The following GK variants were observed in gnomAD, a reference collection of about 807,000 sequenced individuals.
GK encodes the protein glycerol kinase.
A neutral mutation model predicts 56.4 loss-of-function variants in GK; 9 were observed. The ratio of observed to expected loss-of-function variants is 0.16; its 90% CI spans 0.10 to 0.28. The LOEUF is 0.28. GK is among the 10% of genes least tolerant of loss of function. The pLI is 1.00. For synonymous variants in GK, 104 were observed against 144.1 expected (o/e 0.72, Z 1.99); for missense variants, 161 against 431.4 (o/e 0.37, Z 5.55).
intron 11 of GK, among the ~76,000 whole-genome samples, chrX:30,702,231 G>A (rs925632793): frequency 4.5e-5 from 5 of 110,384 alleles, no homozygotes; most frequent in Non-Finnish European, 9.5e-5. Context: ...TAGTAGAGAC[G>A]GAGTTTCTCC....
intron 3 of GK, among the ~76,000 whole-genome samples, chrX:30,670,807 AC>A (rs1317114667): frequency 9.2e-6 from 1 of 109,141 alleles, no homozygotes; most frequent in Non-Finnish European, 1.9e-5. Flanking sequence ...ACATGGTGAA[AC>A]CCTGTTTCTA....
chrX:30,727,699 A>C (rs1937198582), intron 20 of GK, 147 bp downstream of exon 20: 1 of 449,956 alleles, frequency 2.2e-6, no homozygotes, highest in Admixed American at 3.4e-5. Flanking sequence ...TAGACCAATT[A>C]ATCTTTGGGG....
At chrX:30,719,325 CT>C (rs948572363) in intron 14 of GK, 93 bp from the exon 15 acceptor site, 13 of 569,453 alleles carry the variant, frequency 2.3e-5, no homozygotes, top group East Asian at 3.7e-5. Context: ...ACCAAAACCC[CT>C]GTCCTAATTT....
At chrX:30,716,531 ACCTT>A (rs1314319573) in intron 13 of GK, among the ~76,000 whole-genome samples, 3 of 112,079 alleles carry the variant, frequency 2.7e-5, no homozygotes, top group African/African-American at 9.7e-5. Flanking sequence ...TATTAATTTT[ACCTT>A]CCTTTTACCT....
chrX:30,728,601 A>G, intron 20 of GK, 131 bp from the exon 21 acceptor site: 1 of 554,098 alleles, frequency 1.8e-6, no homozygotes, highest in Non-Finnish European at 3.3e-6. Context: ...GTTGCATTTT[A>G]ATTGTGAGGC....
At chrX:30,683,128 C>T (rs776686611) in intron 4 of GK, among the ~76,000 whole-genome samples, 17 of 111,651 alleles carry the variant, frequency 1.5e-4, no homozygotes, top group Non-Finnish European at 2.6e-4. Context: ...TTGTAAATCT[C>T]TGTAACTCTA....
In GK at chrX:30,724,070, G is replaced by A. The variant is rs777872955; in HGVS notation, c.1502-31G>A. 29 of 891,073 alleles carry A rather than the reference G, an allele frequency of 3.3e-5. No homozygotes were observed. The South Asian group carries it at 5.3e-4, about 16-fold the overall frequency. The allele number at this position is 891,073 out of a possible 1,213,427, so 73.4% of individuals were successfully genotyped here. On this transcript the variant is annotated intron_variant, in intron 18 of 20. Coordinates refer to ENST00000427190, the MANE Select transcript of GK (RefSeq NM_001205019.2). ...AGAACATCTCAGCAAACTACCTTTC[G>A]TTATGTGTTTTTTCTACCTTCTAAT...
chrX:30,706,985 C>T (rs142097558), intron 11 of GK, among the ~76,000 whole-genome samples: 482 of 111,884 alleles, frequency 4.3e-3, no homozygotes, highest in African/African-American at 0.015. Context: ...TAAACACAGC[C>T]CTGGCCTAGG....
chrX:30,699,320 A>G (rs72625562), intron 9 of GK, among the ~76,000 whole-genome samples: 4 of 72,168 alleles, frequency 5.5e-5, no homozygotes, highest in African/African-American at 2.3e-4. Context: ...ATAACATGTT[A>G]TATATATATA....
At chrX:30,692,935 G>A (rs968053867) in intron 5 of GK, among the ~76,000 whole-genome samples, 1 of 108,020 alleles carries the variant, frequency 9.3e-6, no homozygotes, top group African/African-American at 3.3e-5. Flanking sequence ...TCTGTAGTTA[G>A]GTGATAAATA....
chrX:30,708,661 A>G (rs1274194506), intron 13 of GK, among the ~76,000 whole-genome samples: 1 of 111,981 alleles, frequency 8.9e-6, no homozygotes, highest in Non-Finnish European at 1.9e-5. Flanking sequence ...TTTGTATGTT[A>G]TAGTAGGAAT....
chrX:30,696,716 C>CA (rs1569160297), intron 8 of GK, 33 bp downstream of exon 8: 1 of 990,081 alleles, frequency 1.0e-6, no homozygotes, highest in Admixed American at 2.3e-5. Flanking sequence ...AAAAACACAC[C>CA]AAAAAACCAA....
At chrX:30,702,939 A>G (rs1569164555) in intron 11 of GK, among the ~76,000 whole-genome samples, 1 of 111,802 alleles carries the variant, frequency 8.9e-6, no homozygotes, top group East Asian at 2.8e-4. Context: ...GGTCATGGTA[A>G]TCTGAGGTTA....
intron 13 of GK, among the ~76,000 whole-genome samples, chrX:30,718,130 C>T (rs770452403): frequency 8.9e-6 from 1 of 111,999 alleles, no homozygotes; most frequent in African/African-American, 3.2e-5. Context: ...ATTTACTATA[C>T]TGTTAGATAT....
Position 30,683,367 on chromosome X carries a change from A to G in GK, c.337+5915A>G, listed in dbSNP as rs893700034. On this transcript the variant is annotated intron_variant, in intron 4 of 20. Transcript: ENST00000427190. ...CACCATACCCGGCCAGATGAGCAATATTTATTACAAACAAGCATATGAGAG... is the reference window on the plus strand; with the variant it reads ...CACCATACCCGGCCAGATGAGCAATGTTTATTACAAACAAGCATATGAGAG... Among the ~76,000 whole-genome samples, 19 of 111,088 alleles carry G rather than the reference A, an allele frequency of 1.7e-4. 1 individual carries two copies. Among genetic ancestry groups the G allele is most frequent in the South Asian group, 3.7e-4 (1 of 2,674 alleles).
At chrX:30,714,115 C>A (rs2147250613) in intron 13 of GK, among the ~76,000 whole-genome samples, 1 of 111,884 alleles carries the variant, frequency 8.9e-6, no homozygotes, top group East Asian at 2.8e-4. Context: ...CCTATCTTTT[C>A]TTTGTTATGG....
Position 30,724,661 on chromosome X carries a change from C to A in GK, c.1582+480C>A, listed in dbSNP as rs1328718694. The A allele has an allele frequency of 2.0e-5, 6 of 305,398 alleles. No homozygotes were observed. The East Asian group carries it at 6.3e-4, about 32-fold the overall frequency. 25.2% of individuals were successfully genotyped at this position (305,398 alleles called of 1,213,427 possible). A position where few individuals can be genotyped will look rare whatever the true frequency, so the allele number is the denominator to read the frequency against. ...CTTTGGAATCAGAGAAAGAAATATA[C>A]CAAACATAGTAAATTCGAACTCTTA... On this transcript the variant is annotated intron_variant, in intron 19 of 20. Coordinates refer to ENST00000427190, the MANE Select transcript of GK (RefSeq NM_001205019.2).
intron 3 of GK, 56 bp from the exon 4 acceptor site, chrX:30,677,319 G>T: frequency 1.6e-6 from 1 of 634,213 alleles, no homozygotes; most frequent in Non-Finnish European, 2.7e-6. Flanking sequence ...TTTTCCTGAA[G>T]TAGTTTCCTA....
rs768129034 is a variant in GK at position 30,728,784 on chromosome X, A to G, written c.*42A>G. ...GATTCCCAAGATGTGAGCTTTTTACATAATGAAAGAACCCAGCAATTCTGT... is the reference window on the plus strand; with the variant it reads ...GATTCCCAAGATGTGAGCTTTTTACGTAATGAAAGAACCCAGCAATTCTGT... On this transcript the variant is annotated 3_prime_UTR_variant, in exon 21 of 21. Transcript: ENST00000427190. 20 of 1,012,250 alleles carry G rather than the reference A, an allele frequency of 2.0e-5. No homozygotes were observed. The East Asian group carries it at 3.6e-4, about 18-fold the overall frequency. 83.4% of individuals were successfully genotyped at this position (1,012,250 alleles called of 1,213,427 possible).
Sources: gnomAD v4.1 joint callset for allele counts (sites outside exome capture counted in the v4.1 genomes callset) on GRCh38, gnomAD v4.1.1 for gene constraint, MANE v1.5 for transcripts, NCBI Gene and HGNC (gene_info 2026-07-23, HGNC 2026-07-21) for gene names.